The following NAALADL2 variants were observed in gnomAD, a reference collection of about 807,000 sequenced individuals.
NAALADL2 encodes N-acetylated alpha-linked acidic dipeptidase like 2.
In NAALADL2, 76 loss-of-function variants were observed where a neutral mutation model predicts 87.2. That is an observed-to-expected ratio of 0.87 (90% CI 0.72 to 1.05). The LOEUF (loss-of-function observed/expected upper bound fraction) is 1.05. Among genes scored for constraint, NAALADL2 ranks in the 50% least tolerant of loss-of-function variants. The probability of loss-of-function intolerance (pLI) is 0.00; values close to 1 mark genes in which losing one functional copy is unlikely to be tolerated. For missense variants in NAALADL2, 1,089 were observed against 945.8 expected (o/e 1.15, Z -1.99); for synonymous variants, 354 against 331.0 (o/e 1.07, Z -0.75).
At chr3:175,000,499 T>G (rs576527100) in intron 1 of NAALADL2, among the ~76,000 whole-genome samples, 1 of 152,282 alleles carries the variant, frequency 6.6e-6, no homozygotes, top group African/African-American at 2.4e-5. Context: ...ATTAACGTGG[T>G]GAAGCCATAC....
chr3:174,705,136 T>TTCTG (rs1674146296), intron 2 of NAALADL2, among the ~76,000 whole-genome samples: 1 of 152,116 alleles, frequency 6.6e-6, no homozygotes, highest in Non-Finnish European at 1.5e-5. Context: ...CAGGATGCCA[T>TTCTG]TCTGTCACAG....
At chr3:175,471,402 G>A (rs1393259835) in intron 8 of NAALADL2, among the ~76,000 whole-genome samples, 1 of 150,736 alleles carries the variant, frequency 6.6e-6, no homozygotes, top group Non-Finnish European at 1.5e-5. Context: ...GTGAACCCGG[G>A]AGGTGAAACT....
rs560337060 is a variant in NAALADL2 at position 175,677,476 on chromosome 3, G to GC, written c.1896+50090_1896+50091insC. 6.9e-3 allele frequency among the ~76,000 whole-genome samples: 887 copies of GC among 128,240 alleles called. 8 individuals carry two copies. The highest frequency in any genetic ancestry group is 0.024 in the African/African-American group (826 of 34,814). 84.1% of individuals were successfully genotyped at this position (128,240 alleles called of 152,430 possible). A position where few individuals can be genotyped will look rare whatever the true frequency, so the allele number is the denominator to read the frequency against. On this transcript the variant is annotated intron_variant, in intron 11 of 13. Transcript: ENST00000454872. The stretch of plus-strand genomic sequence containing the variant: ...TTTGGTGGCTGATAAATAGTATAAT[G>GC]GGGTGTGTGTGTGTGTGTGTGTGTG...
At chr3:175,474,109 G>A (rs1277942041) in intron 9 of NAALADL2, among the ~76,000 whole-genome samples, 1 of 152,102 alleles carries the variant, frequency 6.6e-6, no homozygotes, top group African/African-American at 2.4e-5. Flanking sequence ...GCTGGGGTAA[G>A]GTGGTATCTC....
At chr3:175,321,206 C>T (rs1442410097) in intron 4 of NAALADL2, among the ~76,000 whole-genome samples, 1 of 147,132 alleles carries the variant, frequency 6.8e-6, no homozygotes, top group African/African-American at 2.5e-5. Flanking sequence ...AAATGTAATC[C>T]AGCATATAAA....
intron 3 of NAALADL2, among the ~76,000 whole-genome samples, chr3:174,781,183 C>T (rs561002693): frequency 3.9e-5 from 6 of 151,964 alleles, no homozygotes; most frequent in Non-Finnish European, 7.4e-5. Flanking sequence ...GTGGGTAACC[C>T]GACCTTTCTC....
At chr3:174,978,178 G>C (rs1744618246) in intron 1 of NAALADL2, among the ~76,000 whole-genome samples, 1 of 152,218 alleles carries the variant, frequency 6.6e-6, no homozygotes, top group Non-Finnish European at 1.5e-5. Context: ...TGGGCTCTTA[G>C]CACTATGCCA....
chr3:175,137,700 A>G (rs1459918640), intron 2 of NAALADL2, among the ~76,000 whole-genome samples: 3 of 151,494 alleles, frequency 2.0e-5, no homozygotes, highest in Non-Finnish European at 2.9e-5. Context: ...CCTGGGTTCA[A>G]GTGATTCTCC....
intron 1 of NAALADL2, among the ~76,000 whole-genome samples, chr3:174,881,344 T>C (rs1729163968): frequency 6.6e-6 from 1 of 152,244 alleles, no homozygotes; most frequent in African/African-American, 2.4e-5. Context: ...TTTTGTGTTT[T>C]AAAATTTTTC....
chr3:175,094,804 C>T (rs1720839855), intron 1 of NAALADL2, among the ~76,000 whole-genome samples: 1 of 143,142 alleles, frequency 7.0e-6, no homozygotes, highest in Non-Finnish European at 1.5e-5. Flanking sequence ...ATTATACATC[C>T]TCCTCTCCAT....
At chr3:175,228,338 AG>A (rs1744453622) in intron 2 of NAALADL2, among the ~76,000 whole-genome samples, 1 of 151,984 alleles carries the variant, frequency 6.6e-6, no homozygotes, top group Admixed American at 6.6e-5. Context: ...ATATTGTGGG[AG>A]TAGCAATCAA....
At chr3:175,111,049 C>T (rs569982761) in intron 2 of NAALADL2, among the ~76,000 whole-genome samples, 4 of 151,732 alleles carry the variant, frequency 2.6e-5, no homozygotes, top group Non-Finnish European at 5.9e-5. Context: ...AAAGGCTACC[C>T]TGTAAGCTAA....
At chr3:175,302,244 GA>G (rs780950070) in intron 4 of NAALADL2, among the ~76,000 whole-genome samples, 42 of 152,150 alleles carry the variant, frequency 2.8e-4, no homozygotes, top group Non-Finnish European at 1.8e-4. Context: ...ACAGAAAGAG[GA>G]AGACAATTAA....
At chr3:175,115,983 A>C (rs530528166) in intron 2 of NAALADL2, among the ~76,000 whole-genome samples, 1 of 152,078 alleles carries the variant, frequency 6.6e-6, no homozygotes, top group South Asian at 2.1e-4. Flanking sequence ...AAAGACAAAA[A>C]CCACATGTTT....
At chr3:175,098,293 A>C (rs989807395) in intron 2 of NAALADL2, among the ~76,000 whole-genome samples, 1 of 152,162 alleles carries the variant, frequency 6.6e-6, no homozygotes, top group Non-Finnish European at 1.5e-5. Flanking sequence ...TTACCTTATA[A>C]TGAATGATTG....
At chr3:174,841,509 C>A (rs1724019992) in intron 3 of NAALADL2, among the ~76,000 whole-genome samples, 1 of 152,166 alleles carries the variant, frequency 6.6e-6, no homozygotes, top group Non-Finnish European at 1.5e-5. Flanking sequence ...TTTTTCGAAG[C>A]TACCATGAAG....
chr3:175,456,775 T>C (rs1722383013), intron 6 of NAALADL2, among the ~76,000 whole-genome samples: 1 of 151,972 alleles, frequency 6.6e-6, no homozygotes, highest in African/African-American at 2.4e-5. Context: ...CAATTAAACA[T>C]TTTCCATTTT....
chr3:174,503,072 A>G (rs1718994757), intron 1 of NAALADL2, among the ~76,000 whole-genome samples: 1 of 152,156 alleles, frequency 6.6e-6, no homozygotes, highest in Non-Finnish European at 1.5e-5. Context: ...ACTTTCAGAA[A>G]ACTTTGACAA....
chr3:175,087,509 C>G (rs186382530), intron 1 of NAALADL2, among the ~76,000 whole-genome samples: 1 of 152,184 alleles, frequency 6.6e-6, no homozygotes, highest in Non-Finnish European at 1.5e-5. Flanking sequence ...CAGATTGTTA[C>G]GGTGCCTGTG....
Sources: gnomAD v4.1 joint callset for allele counts (sites outside exome capture counted in the v4.1 genomes callset) on GRCh38, gnomAD v4.1.1 for gene constraint, MANE v1.5 for transcripts, NCBI Gene and HGNC (gene_info 2026-07-23, HGNC 2026-07-21) for gene names.